FOXP4: variants seen among roughly 807,000 people sequenced by gnomAD.
FOXP4 encodes the protein forkhead box protein P4.
In FOXP4, 25 loss-of-function variants were observed where a neutral mutation model predicts 82.6. The ratio of observed to expected loss-of-function variants is 0.30; its 90% CI spans 0.22 to 0.42. The LOEUF is 0.42. FOXP4 is among the 10% of genes least tolerant of loss of function. The pLI is 1.00. For synonymous variants in FOXP4, 415 were observed against 388.2 expected, an observed-to-expected ratio of 1.07 and a Z score of -0.81; for missense variants, 785 against 900.9, an observed-to-expected ratio of 0.87 and a Z score of 1.65.
rs1766492110 is a variant in FOXP4, at chr6:41,591,168, G to C, written c.1435-53G>C. The C allele has an allele frequency of 6.7e-7, 1 of 1,484,268 alleles. No homozygotes were observed. The allele number at this position is 1,484,268 out of a possible 1,614,324, so 91.9% of individuals were successfully genotyped here. A position where few individuals can be genotyped will look rare whatever the true frequency, so the allele number is the denominator to read the frequency against. ...GTACTGGGGGAGGGAACCCAGGGCT[G>C]TGACCCTTCGAGGCCCAGGCTGACG... On this transcript the variant is annotated intron_variant, in intron 12 of 16. Coordinates refer to ENST00000307972, the MANE Select transcript of FOXP4 (RefSeq NM_001012426.2). This position sits in a 1 kb window ranked among gnomAD's most constrained non-coding sequence, Gnocchi z 4.2.
Position 41,597,942 on chromosome 6 carries a change from C to G in FOXP4, c.1887C>G (p.Pro629=). ...GCAGCCCTCCTCGCCTCTCCCCGCC[C>G]CAGTACAGGTGAGCACACAGCACGG... is the stretch of plus-strand genomic sequence containing the variant. ...GSSSPPRLSP[P]QYSHQVQVKE... The change falls in exon 16 of 17, where the codon CCC becomes CCG. Residue 629 remains proline, a synonymous_variant. Coordinates refer to ENST00000307972, the MANE Select transcript of FOXP4 (RefSeq NM_001012426.2). 6.5e-7 allele frequency: 1 copy of G among 1,543,872 alleles called. No individual in the cohort carries two copies. The highest frequency in any genetic ancestry group is 8.7e-7 in the Non-Finnish European group (1 of 1,151,630).
chr6:41,583,486 G>A (rs1338394169), intron 3 of FOXP4, among the ~76,000 whole-genome samples: 1 of 152,220 alleles, frequency 6.6e-6, no homozygotes, highest in African/African-American at 2.4e-5. Context: ...CTCTCTGACT[G>A]GGCTAGCCCT....
chr6:41,588,679 G>C lies in FOXP4; in HGVS notation c.1013G>C (p.Ser338Thr). ...LNTEHALDDR[S>T]TAQCRVQMQV... ...ACAGAGCACGCCCTGGATGACCGGA[G>C]TACAGCCCAGTGCCGGGTACAGATG... Residue 338 changes from serine to threonine, a missense_variant, in exon 9 of 17, where the codon AGT becomes ACT. By Grantham distance (58) the Ser-to-Thr change is moderately conservative. Coordinates refer to ENST00000307972, the MANE Select transcript of FOXP4 (RefSeq NM_001012426.2). 6.2e-7 allele frequency: 1 copy of C among 1,614,074 alleles called. No homozygotes were observed. The highest frequency in any genetic ancestry group is 8.5e-7 in the Non-Finnish European group (1 of 1,180,030).
intron 1 of FOXP4, among the ~76,000 whole-genome samples, chr6:41,562,612 G>A (rs958417785): frequency 6.6e-5 from 10 of 152,112 alleles, no homozygotes; most frequent in African/African-American, 2.2e-4. Flanking sequence ...TGTTGGAAGG[G>A]GGCCACTCTC....
At position 41,589,872 on chromosome 6, in the gene FOXP4, C is replaced by T. The variant is rs1193019353; in HGVS notation, c.1149+18C>T. On this transcript the variant is annotated intron_variant, in intron 10 of 16. Transcript: ENST00000307972. ...GCCAGCCAGTGAGTGCTGCTCCCCT[C>T]CCCGCCCCTCCCAGAGCCTTCCACA... The T allele has an allele frequency of 1.2e-6, 2 of 1,610,098 alleles. No individual in the cohort carries two copies. Among genetic ancestry groups the T allele is most frequent in the Admixed American group, 1.7e-5 (1 of 59,988 alleles).
At chr6:41,589,700 T>C in intron 9 of FOXP4, 71 bp from the exon 10 acceptor site, 7 of 1,490,520 alleles carry the variant, frequency 4.7e-6, no homozygotes, top group South Asian at 1.2e-5. Context: ...AGCCTGGCGG[T>C]GGAGGGGTGG....
In FOXP4 at chr6:41,589,768, C is replaced by T. The variant is rs1195185471; in HGVS notation, c.1066-3C>T. The T allele has an allele frequency of 5.6e-6, 9 of 1,611,054 alleles. No individual in the cohort carries two copies. Among genetic ancestry groups the T allele is most frequent in the Non-Finnish European group, 7.6e-6 (9 of 1,179,830 alleles). ...TCACCTCCTGCTTTGCCACCCTCCA[C>T]AGCTCGCCAAGGAGAGCGAGCGGCT... On this transcript the variant is annotated splice_region_variant and splice_polypyrimidine_tract_variant and intron_variant, in intron 9 of 16. Coordinates refer to ENST00000307972, the MANE Select transcript of FOXP4 (RefSeq NM_001012426.2).
rs926334335 is a variant in FOXP4, at chr6:41,593,241, C to T, written c.1537-1629C>T. ...TCCTCTCCCGAATTATTTGTGCTTT[C>T]TTCTTTCCCTTCTTCACCTTTGCTG... On this transcript the variant is annotated intron_variant, in intron 13 of 16. Coordinates refer to ENST00000307972, the MANE Select transcript of FOXP4 (RefSeq NM_001012426.2). The surrounding 1 kb of genome is among the most constrained non-coding windows in gnomAD (Gnocchi z 4.1). 1.3e-5 allele frequency among the ~76,000 whole-genome samples: 2 copies of T among 152,212 alleles called. No homozygotes were observed. Among genetic ancestry groups the T allele is most frequent in the Admixed American group, 6.5e-5 (1 of 15,282 alleles).
rs141986171 is a variant in FOXP4 at position 41,587,415 on chromosome 6, G to T, written c.775G>T (p.Ala259Ser). Residue 259 changes from alanine (A) to serine (S), a missense_variant, in exon 7 of 17, where the codon GCT becomes TCT. This residue lies in a region of FOXP4 where 570 missense variants were observed against 634.0 expected (regional missense o/e 0.90). Transcript: ENST00000307972. ...GLDLTGTAAT[A>S]TSFAAPPKVS... ...GGACCTCACTGGCACGGCCGCCACC[G>T]CTACCTCGTTTGCCGCTCCCCCCAA... is the stretch of plus-strand genomic sequence containing the variant. 1 of 1,583,726 alleles carries T rather than the reference G, an allele frequency of 6.3e-7. No individual in the cohort carries two copies. The highest frequency in any genetic ancestry group is 8.6e-7 in the Non-Finnish European group (1 of 1,164,664).
intron 4 of FOXP4, 22 bp downstream of exon 4, chr6:41,584,913 C>G (rs763789652): frequency 6.3e-7 from 1 of 1,595,812 alleles, no homozygotes; most frequent in Non-Finnish European, 8.5e-7. Flanking sequence ...CCCAGGGCAG[C>G]TGGTCCCTCC....
At position 41,591,664 on chromosome 6, in the gene FOXP4, C is replaced by T. The variant is rs577550844; in HGVS notation, c.1536+342C>T. On this transcript the variant is annotated intron_variant, in intron 13 of 16. Transcript: ENST00000307972. This position sits in a 1 kb window ranked among gnomAD's most constrained non-coding sequence, Gnocchi z 4.2. ...CCAAGCTTGATACAGAAGCCTGGGC[C>T]GAATTTCACAGAGACCCTAAGGGTC... is the stretch of plus-strand genomic sequence containing the variant. 8.5e-5 allele frequency among the ~76,000 whole-genome samples: 12 copies of T among 141,420 alleles called. No individual in the cohort carries two copies. Among genetic ancestry groups the T allele is most frequent in the African/African-American group, 3.1e-4 (11 of 35,606 alleles). 92.8% of individuals were successfully genotyped at this position (141,420 alleles called of 152,430 possible). A position where few individuals can be genotyped will look rare whatever the true frequency, so the allele number is the denominator to read the frequency against.
intron 1 of FOXP4, among the ~76,000 whole-genome samples, chr6:41,549,072 C>T (rs1446560111): frequency 6.6e-6 from 1 of 152,086 alleles, no homozygotes; most frequent in Non-Finnish European, 1.5e-5. Flanking sequence ...CTCTCAGCCT[C>T]CACACCCAGG....
At chr6:41,580,101 C>G (rs1393137486) in intron 3 of FOXP4, among the ~76,000 whole-genome samples, 1 of 144,758 alleles carries the variant, frequency 6.9e-6, no homozygotes, top group African/African-American at 2.6e-5. Context: ...GAGTGCAATG[C>G]CGTGATTTCA....
chr6:41,596,677 G>A (rs1766854675), intron 14 of FOXP4, among the ~76,000 whole-genome samples: 1 of 152,078 alleles, frequency 6.6e-6, no homozygotes, highest in Non-Finnish European at 1.5e-5. Flanking sequence ...GTGCAGAGAA[G>A]CCTTCTGTAT....
rs1164544397 is a variant in FOXP4, at chr6:41,546,829, G to A, written c.-55G>A. ...GCGAGCCCCATGCCCCGCGCGGGCT[G>A]ACGGGCCGGAGCCCGCACGGAGCGG... On this transcript the variant is annotated 5_prime_UTR_variant, in exon 1 of 17. The change abolishes the stop of an existing upstream ORF in the 5' untranslated region. Coordinates refer to ENST00000307972, the MANE Select transcript of FOXP4 (RefSeq NM_001012426.2). 6.7e-6 allele frequency: 1 copy of A among 149,074 alleles called. No homozygotes were observed. The highest frequency in any genetic ancestry group is 2.4e-5 in the African/African-American group (1 of 40,974). 9.2% of individuals were successfully genotyped at this position (149,074 alleles called of 1,614,324 possible).
At chr6:41,578,344 C>T (rs902142910) in intron 3 of FOXP4, among the ~76,000 whole-genome samples, 1 of 152,194 alleles carries the variant, frequency 6.6e-6, no homozygotes, top group Non-Finnish European at 1.5e-5. Flanking sequence ...CTCTCCCTGT[C>T]TCTTTGTACC....
At chr6:41,557,780 AT>A (rs369255515) in intron 1 of FOXP4, among the ~76,000 whole-genome samples, 68 of 151,206 alleles carry the variant, frequency 4.5e-4, no homozygotes, top group African/African-American at 1.6e-3. Flanking sequence ...TGAGTACTCT[AT>A]TTTTTTTTCT....
intron 9 of FOXP4, 31 bp from the exon 10 acceptor site, chr6:41,589,740 C>A: frequency 6.2e-7 from 1 of 1,604,478 alleles, no homozygotes; most frequent in East Asian, 2.2e-5. Context: ...TTCAGCCTCC[C>A]GCTCACCTCC....
intron 3 of FOXP4, among the ~76,000 whole-genome samples, chr6:41,580,833 C>T (rs1765757201): frequency 1.3e-5 from 2 of 152,162 alleles, no homozygotes; most frequent in Non-Finnish European, 2.9e-5. Context: ...CCCCACAGAA[C>T]GCTGCTCTGC....
Sources: allele counts gnomAD v4.1 joint callset (sites outside exome capture counted in the v4.1 genomes callset), GRCh38; gene constraint gnomAD v4.1.1; regional missense constraint gnomAD v4.1.1; non-coding constraint Gnocchi (gnomAD v3.1); transcripts MANE v1.5; gene names NCBI Gene and HGNC (gene_info 2026-07-23, HGNC 2026-07-21).